Variants in PADI4 observed in about 807,000 individuals in gnomAD.
The protein encoded by PADI4 is peptidyl arginine deiminase 4.
A neutral mutation model predicts 75.0 loss-of-function variants in PADI4; 62 were observed. The ratio of observed to expected loss-of-function variants is 0.83; its 90% CI spans 0.67 to 1.02. PADI4 has a LOEUF of 1.02. Ranked by LOEUF, PADI4 falls within the 50% of genes least tolerant of loss-of-function variation. The probability of loss-of-function intolerance (pLI) is 0.00; values close to 1 mark genes in which losing one functional copy is unlikely to be tolerated. For missense variants in PADI4, 845 were observed against 850.5 expected, an observed-to-expected ratio of 0.99 and a Z score of 0.08; for synonymous variants, 361 against 348.1, an observed-to-expected ratio of 1.04 and a Z score of -0.41.
intron 1 of PADI4, among the ~76,000 whole-genome samples, chr1:17,313,362 G>C (rs113286776): frequency 2.7e-5 from 4 of 149,224 alleles, no homozygotes; most frequent in African/African-American, 9.9e-5. Flanking sequence ...TTAGCCAGGC[G>C]TGGTGGTGCA....
intron 10 of PADI4, among the ~76,000 whole-genome samples, chr1:17,352,141 T>TGATGGGAGGTGGG (rs2074665865): frequency 9.7e-6 from 1 of 102,596 alleles, no homozygotes; most frequent in African/African-American, 3.9e-5. Context: ...TGGGAGGCAG[T>TGATGGGAGGTGGG]AGGAGAGGCA....
At chr1:17,354,353 A>G (rs1347778866) in intron 10 of PADI4, among the ~76,000 whole-genome samples, 180 bp from the exon 11 acceptor site, 1 of 152,202 alleles carries the variant, frequency 6.6e-6, no homozygotes, top group African/African-American at 2.4e-5. Flanking sequence ...TTTCTTGTCC[A>G]TTGAATGAAC....
chr1:17,356,551 T>A lies in PADI4; in HGVS notation c.1558+92T>A. 1 of 734,378 alleles carries A rather than the reference T, an allele frequency of 1.4e-6. No homozygotes were observed. Among genetic ancestry groups the A allele is most frequent in the Non-Finnish European group, 2.4e-6 (1 of 421,682 alleles). The allele number at this position is 734,378 out of a possible 1,614,324, so 45.5% of individuals were successfully genotyped here. Reference sequence around the variant, plus strand: ...GGAGGGAATCATCCAGGCAATAGGGTAGCATCTGAGCACCTACTGTGCGCC... The same window carrying A: ...GGAGGGAATCATCCAGGCAATAGGGAAGCATCTGAGCACCTACTGTGCGCC... On this transcript the variant is annotated intron_variant, in intron 13 of 15. Transcript: ENST00000375448. This position sits in a 1 kb window ranked among gnomAD's most constrained non-coding sequence, Gnocchi z 4.1.
In PADI4 at chr1:17,338,109, AT is replaced by A. The variant is rs1353535608; in HGVS notation, c.481del (p.Ser161LeufsTer22). 1 of 1,613,416 alleles carries A rather than the reference AT, an allele frequency of 6.2e-7. No individual in the cohort carries two copies. Among genetic ancestry groups the A allele is most frequent in the South Asian group, 1.1e-5 (1 of 91,076 alleles). On this transcript the variant is annotated frameshift_variant, in exon 5 of 16. Coordinates refer to ENST00000375448, the MANE Select transcript of PADI4 (RefSeq NM_012387.3). LOFTEE classifies it high-confidence loss of function. ...LVNCDRDNLESSAMDCEDDEV... is the reference protein window; with the variant it reads ...LVNCDRDNLEXSAMDCEDDEV... ...TGAACTGTGACAGAGACAATCTCGA[AT>A]CTTCTGCCATGGACTGCGAGGATGA...
chr1:17,357,469 A>C (rs886769966), intron 13 of PADI4, among the ~76,000 whole-genome samples: 1 of 152,088 alleles, frequency 6.6e-6, no homozygotes, highest in Non-Finnish European at 1.5e-5. Context: ...GCCTGGCTTA[A>C]AACAAGGACA....
rs1432150743 is a variant in PADI4 at position 17,350,960 on chromosome 1, G to A, written c.1155+2912G>A. On this transcript the variant is annotated intron_variant, in intron 10 of 15. Coordinates refer to ENST00000375448, the MANE Select transcript of PADI4 (RefSeq NM_012387.3). Reference sequence around the variant, plus strand: ...CTAGCACTTTGGAAGGCCAAGGTGGGAGAATTGTTTGAACCCAGGAGTTTG... The same window carrying A: ...CTAGCACTTTGGAAGGCCAAGGTGGAAGAATTGTTTGAACCCAGGAGTTTG... 4.0e-5 allele frequency among the ~76,000 whole-genome samples: 5 copies of A among 125,744 alleles called. 2 individuals are homozygous for A. Among genetic ancestry groups the A allele is most frequent in the Non-Finnish European group, 8.9e-5 (5 of 55,870 alleles). 82.5% of individuals were successfully genotyped at this position (125,744 alleles called of 152,430 possible). A position where few individuals can be genotyped will look rare whatever the true frequency, so the allele number is the denominator to read the frequency against.
At chr1:17,310,310 C>A (rs1484015506) in intron 1 of PADI4, among the ~76,000 whole-genome samples, 2 of 152,126 alleles carry the variant, frequency 1.3e-5, no homozygotes, top group Admixed American at 1.3e-4. Context: ...TCAACCCAGG[C>A]AGCCTGACTC....
At chr1:17,318,376 T>G (rs1419064477) in intron 1 of PADI4, among the ~76,000 whole-genome samples, 1 of 152,178 alleles carries the variant, frequency 6.6e-6, no homozygotes, top group Non-Finnish European at 1.5e-5. Flanking sequence ...CATAGGATGA[T>G]TGTGAAAACA....
At chr1:17,342,462 C>A in intron 8 of PADI4, 60 bp downstream of exon 8, 1 of 999,366 alleles carries the variant, frequency 1.0e-6, no homozygotes, top group Non-Finnish European at 1.6e-6. Context: ...GTTCCATCCG[C>A]AGCACTCACT....
intron 1 of PADI4, among the ~76,000 whole-genome samples, chr1:17,318,545 C>T (rs553674929): frequency 2.6e-5 from 4 of 152,272 alleles, no homozygotes; most frequent in East Asian, 3.9e-4. Flanking sequence ...CAAACGGAGG[C>T]GGGAAGAATA....
At chr1:17,314,932 G>A (rs773100132) in intron 1 of PADI4, among the ~76,000 whole-genome samples, 34 of 152,290 alleles carry the variant, frequency 2.2e-4, no homozygotes, top group Admixed American at 1.2e-3. Context: ...TTGGGAATTC[G>A]TATGTTCCAT....
chr1:17,326,943 C>T (rs1256577788), intron 1 of PADI4, among the ~76,000 whole-genome samples: 1 of 148,178 alleles, frequency 6.7e-6, no homozygotes, highest in African/African-American at 2.5e-5. Context: ...CACCCTCTCA[C>T]TCTGTCACCC....
intron 10 of PADI4, among the ~76,000 whole-genome samples, chr1:17,349,131 T>C (rs1252013897): frequency 1.3e-5 from 2 of 152,102 alleles, no homozygotes; most frequent in African/African-American, 4.8e-5. Context: ...AGCCATGGGG[T>C]CGAGTTCATC....
chr1:17,311,965 A>T (rs1196525323), intron 1 of PADI4, among the ~76,000 whole-genome samples: 2 of 152,224 alleles, frequency 1.3e-5, no homozygotes. Context: ...ATTGAATTAT[A>T]TAATGCACAC....
At chr1:17,355,150 C>T (rs1425137962) in intron 11 of PADI4, among the ~76,000 whole-genome samples, 3 of 152,102 alleles carry the variant, frequency 2.0e-5, no homozygotes, top group Admixed American at 2.0e-4. Flanking sequence ...GGGACAGGGC[C>T]ACCTGGAGAT....
At chr1:17,345,959 C>T (rs758313791) in intron 8 of PADI4, 69 bp from the exon 9 acceptor site, 13 of 1,029,666 alleles carry the variant, frequency 1.3e-5, no homozygotes, top group Non-Finnish European at 1.8e-5. Flanking sequence ...CCTGTGTGTC[C>T]CTCCCAATCC....
Position 17,355,538 on chromosome 1 carries a change from C to CA in PADI4, c.1311-429dup, listed in dbSNP as rs11364408. Among the ~76,000 whole-genome samples the CA allele has an allele frequency of 6.4e-4, 86 of 134,724 alleles. 1 individual carries two copies. Among genetic ancestry groups the CA allele is most frequent in the Admixed American group, 2.9e-3 (39 of 13,368 alleles). 88.4% of individuals were successfully genotyped at this position (134,724 alleles called of 152,430 possible). On this transcript the variant is annotated intron_variant, in intron 11 of 15. Transcript: ENST00000375448. ...TGGGCAACAGAGCAAGACTCTGTCT[C>CA]AAAAAAAAAAAAAAAAGTGAGGAAG...
Position 17,308,230 on chromosome 1 carries a change from AG to A in PADI4, c.12del (p.Thr5HisfsTer2). 1 of 1,613,876 alleles carries A rather than the reference AG, an allele frequency of 6.2e-7. No homozygotes were observed. The highest frequency in any genetic ancestry group is 8.5e-7 in the Non-Finnish European group (1 of 1,179,824). The part of the protein sequence containing the change: MA[Q>X]GTLIRVTPEQ... ...GGACGAGCTAGCCCGACGATGGCCC[AG>A]GGGACATTGATCCGTGTGACCCCAG... On this transcript the variant is annotated frameshift_variant, in exon 1 of 16. Transcript: ENST00000375448. LOFTEE classifies it high-confidence loss of function.
intron 11 of PADI4, among the ~76,000 whole-genome samples, chr1:17,354,904 T>C (rs544630730): frequency 1.3e-5 from 2 of 152,290 alleles, no homozygotes; most frequent in African/African-American, 4.8e-5. Flanking sequence ...CCTCTTTCAG[T>C]CAGTGAATAT....
Sources: gnomAD v4.1 joint callset for allele counts (sites outside exome capture counted in the v4.1 genomes callset) on GRCh38, gnomAD v4.1.1 for gene constraint, Gnocchi (gnomAD v3.1) non-coding constraint, MANE v1.5 for transcripts, NCBI Gene and HGNC (gene_info 2026-07-23, HGNC 2026-07-21) for gene names.